DPP10: variants seen among roughly 807,000 people sequenced by gnomAD.
DPP10 encodes dipeptidyl peptidase like 10, also known as inactive dipeptidyl peptidase 10.
DPP10 carries 33 observed loss-of-function variants against 120.9 expected under a neutral mutation model. That is an observed-to-expected ratio of 0.27 (90% CI 0.21 to 0.37). The LOEUF (loss-of-function observed/expected upper bound fraction) is 0.37, where lower values mean the gene tolerates loss of function less well. DPP10 is among the 10% of genes least tolerant of loss of function. DPP10 has a pLI of 1.00. For missense variants in DPP10, 816 were observed against 942.8 expected, an observed-to-expected ratio of 0.87 and a Z score of 1.76; for synonymous variants, 337 against 326.1, an observed-to-expected ratio of 1.03 and a Z score of -0.36.
At chr2:115,481,789 T>C (rs1404633867) in intron 3 of DPP10, among the ~76,000 whole-genome samples, 2 of 152,124 alleles carry the variant, frequency 1.3e-5, no homozygotes, top group African/African-American at 2.4e-5. Context: ...TTCTCTTTTA[T>C]TGATAAAAAT....
At chr2:114,896,423 T>C (rs1693004273) in intron 1 of DPP10, among the ~76,000 whole-genome samples, 1 of 152,186 alleles carries the variant, frequency 6.6e-6, no homozygotes, top group Non-Finnish European at 1.5e-5. Context: ...AGCAGTGTTT[T>C]GTAGTTCTCC....
chr2:115,158,102 T>C (rs1287892856), intron 1 of DPP10, among the ~76,000 whole-genome samples: 5 of 152,228 alleles, frequency 3.3e-5, no homozygotes, highest in African/African-American at 1.2e-4. Context: ...AGACCTTATT[T>C]CTTACTTGGT....
intron 1 of DPP10, among the ~76,000 whole-genome samples, chr2:114,684,968 C>T (rs922785840): frequency 5.3e-5 from 8 of 151,940 alleles, no homozygotes; most frequent in African/African-American, 1.9e-4. Context: ...CTGAACATTC[C>T]TAATTTGTCT....
At chr2:114,992,796 G>A (rs977719609) in intron 1 of DPP10, among the ~76,000 whole-genome samples, 1 of 152,146 alleles carries the variant, frequency 6.6e-6, no homozygotes, top group African/African-American at 2.4e-5. Context: ...TTTTAAAATC[G>A]ATGACATCAG....
chr2:115,380,747 G>C (rs1336922298), intron 3 of DPP10, among the ~76,000 whole-genome samples: 1 of 151,964 alleles, frequency 6.6e-6, no homozygotes, highest in African/African-American at 2.4e-5. Context: ...GGGCAGGCCT[G>C]GTGGTGACAA....
chr2:115,689,766 A>G lies in DPP10; in HGVS notation c.494+27A>G, dbSNP rs746994742. ...TAAGTTCTTTGATTTTCTAGTTTTC[A>G]TGAGCAATTGTGTTACTAAATTGTT... On this transcript the variant is annotated intron_variant, in intron 6 of 25. Transcript: ENST00000410059. 4 of 1,607,418 alleles carry G rather than the reference A, an allele frequency of 2.5e-6. No homozygotes were observed. The Admixed American group carries it at 5.0e-5, about 20-fold the overall frequency.
intron 1 of DPP10, among the ~76,000 whole-genome samples, chr2:115,057,671 G>A (rs961842570): frequency 7.9e-5 from 12 of 152,190 alleles, no homozygotes; most frequent in Non-Finnish European, 1.5e-4. Context: ...AAGAAACCAA[G>A]GATGTGGTAA....
At chr2:115,531,137 T>G (rs2078437472) in intron 5 of DPP10, among the ~76,000 whole-genome samples, 1 of 80,314 alleles carries the variant, frequency 1.2e-5, no homozygotes, top group South Asian at 6.2e-4. Flanking sequence ...CCTAATATGA[T>G]TCAAGATTGA....
chr2:114,772,115 G>T (rs1681319290), intron 1 of DPP10, among the ~76,000 whole-genome samples: 1 of 151,218 alleles, frequency 6.6e-6, no homozygotes, highest in Non-Finnish European at 1.5e-5. Flanking sequence ...ATAGTATAGA[G>T]TTCTAAATCT....
At chr2:114,792,417 T>C (rs1224069352) in intron 1 of DPP10, among the ~76,000 whole-genome samples, 1 of 152,180 alleles carries the variant, frequency 6.6e-6, no homozygotes, top group East Asian at 1.9e-4. Flanking sequence ...ATTTTTCATC[T>C]CTAGAAAAAG....
intron 1 of DPP10, among the ~76,000 whole-genome samples, chr2:114,827,973 C>T (rs973647530): frequency 4.6e-5 from 7 of 152,166 alleles, no homozygotes; most frequent in Non-Finnish European, 1.0e-4. Flanking sequence ...AGTACACTTA[C>T]AGTGGCTTTG....
At chr2:115,536,307 A>G (rs2078834052) in intron 5 of DPP10, among the ~76,000 whole-genome samples, 1 of 151,962 alleles carries the variant, frequency 6.6e-6, no homozygotes, top group African/African-American at 2.4e-5. Flanking sequence ...CACTATGAAC[A>G]TTGTTCCTTG....
At chr2:115,265,942 T>A (rs1394825479) in intron 1 of DPP10, among the ~76,000 whole-genome samples, 13 of 139,918 alleles carry the variant, frequency 9.3e-5, no homozygotes, top group South Asian at 6.6e-4. Flanking sequence ...AGACTCTATT[T>A]CAAAAAAAAA....
chr2:115,103,837 A>T (rs748825596), intron 1 of DPP10, among the ~76,000 whole-genome samples: 1 of 152,194 alleles, frequency 6.6e-6, no homozygotes, highest in Non-Finnish European at 1.5e-5. Context: ...CTTCCCAACC[A>T]GGAATGTACT....
At chr2:115,004,942 T>A (rs1031035462) in intron 1 of DPP10, among the ~76,000 whole-genome samples, 12 of 152,090 alleles carry the variant, frequency 7.9e-5, no homozygotes, top group African/African-American at 2.4e-4. Context: ...AAGACAGCAG[T>A]AACCTCTGCA....
chr2:115,173,568 T>C (rs2053508750), intron 1 of DPP10, among the ~76,000 whole-genome samples: 1 of 152,220 alleles, frequency 6.6e-6, no homozygotes, highest in African/African-American at 2.4e-5. Context: ...GACTTCCATT[T>C]ACAGCCAATT....
At chr2:115,308,425 C>A (rs1216927683) in intron 1 of DPP10, among the ~76,000 whole-genome samples, 1 of 152,032 alleles carries the variant, frequency 6.6e-6, no homozygotes. Context: ...GTTTTATAAA[C>A]TGTATTGCAA....
intron 3 of DPP10, among the ~76,000 whole-genome samples, chr2:115,437,956 A>G (rs1358271824): frequency 1.3e-5 from 2 of 152,146 alleles, no homozygotes; most frequent in Non-Finnish European, 2.9e-5. Flanking sequence ...CTCACATTCA[A>G]GTACTTCAGG....
Position 114,604,567 on chromosome 2 carries a change from G to A in DPP10, c.60+161729G>A, listed in dbSNP as rs150004340. On this transcript the variant is annotated intron_variant, in intron 1 of 25. Coordinates refer to ENST00000410059, the MANE Select transcript of DPP10 (RefSeq NM_020868.6). The stretch of plus-strand genomic sequence containing the variant: ...AGAGAAGCCTCACATGGAAGAGCAC[G>A]CTGTGTATGACCTCATTCTGCCTTC... 2.9e-3 allele frequency among the ~76,000 whole-genome samples: 440 copies of A among 152,152 alleles called. 1 individual carries two copies. Among genetic ancestry groups the A allele is most frequent in the Non-Finnish European group, 4.7e-3 (320 of 67,960 alleles).
Sources: gnomAD v4.1 joint callset for allele counts (sites outside exome capture counted in the v4.1 genomes callset) on GRCh38, gnomAD v4.1.1 for gene constraint, MANE v1.5 for transcripts, NCBI Gene and HGNC (gene_info 2026-07-23, HGNC 2026-07-21) for gene names.